ZBTB7C: variants seen among roughly 807,000 people sequenced by gnomAD.
The protein encoded by ZBTB7C is zinc finger and BTB domain containing 7C, also known as zinc finger and BTB domain-containing protein 7C.
In ZBTB7C, 8 loss-of-function variants were observed where a neutral mutation model predicts 25.7. That is an observed-to-expected ratio of 0.31 (90% confidence interval 0.18 to 0.56). The LOEUF (loss-of-function observed/expected upper bound fraction) is 0.56, where lower values mean the gene tolerates loss of function less well. Among genes scored for constraint, ZBTB7C ranks in the 20% least tolerant of loss-of-function variants. ZBTB7C has a pLI of 0.91. For synonymous variants in ZBTB7C, 394 were observed against 369.0 expected (o/e 1.07, Z -0.78); for missense variants, 824 against 855.2 (o/e 0.96, Z 0.46).
chr18:48,347,038 C>T (rs1371178287), intron 1 of ZBTB7C, among the ~76,000 whole-genome samples: 2 of 151,994 alleles, frequency 1.3e-5, no homozygotes, highest in Non-Finnish European at 2.9e-5. Flanking sequence ...AAGCCTCAGC[C>T]TCCCAAAGTG....
chr18:48,081,461 CTTTTTT>C (rs916264096), intron 3 of ZBTB7C, among the ~76,000 whole-genome samples: 2 of 98,240 alleles, frequency 2.0e-5, no homozygotes, highest in African/African-American at 6.4e-5. Flanking sequence ...TTTTCTTTTT[CTTTTTT>C]TTTTTGGTTG....
At chr18:48,161,019 G>A (rs1477964181) in intron 3 of ZBTB7C, among the ~76,000 whole-genome samples, 1 of 150,676 alleles carries the variant, frequency 6.6e-6, no homozygotes, top group African/African-American at 2.5e-5. Context: ...AACGCACACA[G>A]CCATGAGAAG....
At chr18:48,080,773 A>G (rs1217269039) in intron 3 of ZBTB7C, among the ~76,000 whole-genome samples, 1 of 152,124 alleles carries the variant, frequency 6.6e-6, no homozygotes, top group Non-Finnish European at 1.5e-5. Context: ...AGAGCCCACA[A>G]GGCCAGGCAA....
chr18:48,168,641 G>A (rs994428374), intron 3 of ZBTB7C, among the ~76,000 whole-genome samples: 1 of 152,162 alleles, frequency 6.6e-6, no homozygotes, highest in Non-Finnish European at 1.5e-5. Flanking sequence ...ATAGGGGAAG[G>A]CAGATCTTGT....
chr18:48,241,411 C>T (rs541087459), intron 2 of ZBTB7C, among the ~76,000 whole-genome samples: 2 of 152,132 alleles, frequency 1.3e-5, no homozygotes, highest in African/African-American at 4.8e-5. Flanking sequence ...GCATTGTATT[C>T]ATCAGCACAT....
chr18:48,071,236 C>T (rs141008711), intron 3 of ZBTB7C, among the ~76,000 whole-genome samples: 23 of 152,280 alleles, frequency 1.5e-4, no homozygotes, highest in East Asian at 7.7e-4. Context: ...TCTTTAGGAA[C>T]ATAATGATGA....
At chr18:48,119,006 T>TA (rs200679579) in intron 3 of ZBTB7C, among the ~76,000 whole-genome samples, 4 of 152,138 alleles carry the variant, frequency 2.6e-5, no homozygotes, top group African/African-American at 4.8e-5. Flanking sequence ...ATTTTATAAC[T>TA]AAAAAAAATT....
At chr18:48,172,618 C>G (rs1159062351) in intron 3 of ZBTB7C, among the ~76,000 whole-genome samples, 1 of 152,252 alleles carries the variant, frequency 6.6e-6, no homozygotes, top group Non-Finnish European at 1.5e-5. Flanking sequence ...ACTGACGTGA[C>G]CCACGGGGCC....
In ZBTB7C at chr18:48,029,461, C is replaced by A. The variant is rs1012910073; in HGVS notation, c.1659G>T (p.Glu553Asp). The A allele has an allele frequency of 6.3e-7, 1 of 1,597,418 alleles. No homozygotes were observed. The highest frequency in any genetic ancestry group is 1.7e-5 in the Admixed American group (1 of 59,200). ...SLQELERQFE[E>D]TQMKLFGRAQ... ...CGCGCCCGAACAGCTTCATCTGTGT[C>A]TCCTCGAACTGCCGCTCCAGCTCTT... Residue 553 changes from glutamate to aspartate, a missense_variant, in exon 5 of 5, where the codon GAG (glutamate) becomes GAT (aspartate). Glu to Asp is a conservative substitution (Grantham distance 45). Coordinates refer to ENST00000590800, the MANE Select transcript of ZBTB7C (RefSeq NM_001318841.2).
At chr18:48,043,258 A>ATCT (rs1568171805) in intron 3 of ZBTB7C, among the ~76,000 whole-genome samples, 1 of 152,204 alleles carries the variant, frequency 6.6e-6, no homozygotes, top group Non-Finnish European at 1.5e-5. Context: ...GAGAAATGAA[A>ATCT]TCTTATGTCC....
At chr18:48,363,731 T>C (rs149643442) in intron 1 of ZBTB7C, among the ~76,000 whole-genome samples, 1 of 152,118 alleles carries the variant, frequency 6.6e-6, no homozygotes, top group Non-Finnish European at 1.5e-5. Flanking sequence ...GTATTCTTTT[T>C]AATATTAAAA....
chr18:48,140,912 C>T (rs1000635949), intron 3 of ZBTB7C, among the ~76,000 whole-genome samples: 7 of 152,170 alleles, frequency 4.6e-5, no homozygotes, highest in Admixed American at 3.3e-4. Context: ...TCTATCCCCT[C>T]TCACCTTGAC....
rs150622720 is a variant in ZBTB7C at position 48,050,469 on chromosome 18, C to T, written c.-16-9346G>A. Among the ~76,000 whole-genome samples the T allele has an allele frequency of 1.4e-4, 22 of 152,356 alleles. No individual in the cohort carries two copies. The South Asian group carries it at 1.9e-3, about 13-fold the overall frequency. On this transcript the variant is annotated intron_variant, in intron 3 of 4. Transcript: ENST00000590800. The stretch of plus-strand genomic sequence containing the variant: ...CCTGCTCTGCCACCCTGCCAGGACA[C>T]GCCTAGAGCCCGCAGTCCCCAGCTG...
At chr18:48,089,222 A>G (rs1475027956) in intron 3 of ZBTB7C, among the ~76,000 whole-genome samples, 1 of 152,068 alleles carries the variant, frequency 6.6e-6, no homozygotes, top group Non-Finnish European at 1.5e-5. Context: ...TAATCCTAGC[A>G]CTTTGGGAGG....
intron 2 of ZBTB7C, among the ~76,000 whole-genome samples, chr18:48,306,565 C>G (rs956772959): frequency 6.6e-6 from 1 of 152,164 alleles, no homozygotes; most frequent in Non-Finnish European, 1.5e-5. Flanking sequence ...GTCCAGTATT[C>G]AGGTACCTGG....
At chr18:48,306,661 A>T (rs9951720) in intron 2 of ZBTB7C, among the ~76,000 whole-genome samples, 26,795 of 152,010 alleles carry the variant, frequency 0.18, 2,421 homozygotes, top group African/African-American at 0.2. Context: ...TCACAACACA[A>T]ATCTCTGTCC....
chr18:48,229,031 C>G (rs886137968), intron 2 of ZBTB7C, among the ~76,000 whole-genome samples: 3 of 152,126 alleles, frequency 2.0e-5, no homozygotes, highest in African/African-American at 7.2e-5. Flanking sequence ...TGAAGACAGC[C>G]GGGGTCATGG....
intron 1 of ZBTB7C, among the ~76,000 whole-genome samples, chr18:48,367,085 T>A (rs1271559961): frequency 6.7e-6 from 1 of 148,948 alleles, no homozygotes; most frequent in Non-Finnish European, 1.5e-5. Context: ...TCAGCAATTT[T>A]AAAAAATAAT....
chr18:48,347,538 C>A lies in ZBTB7C; in HGVS notation c.-303-9140G>T, dbSNP rs894139626. Reference sequence around the variant, plus strand: ...CCCACTCCCTCCTCTCCCCGTCAAGCAGCATGAATCCTCACCCTGCTGCCT... The same window carrying A: ...CCCACTCCCTCCTCTCCCCGTCAAGAAGCATGAATCCTCACCCTGCTGCCT... On this transcript the variant is annotated intron_variant, in intron 1 of 4. Transcript: ENST00000590800. 2.2e-4 allele frequency among the ~76,000 whole-genome samples: 34 copies of A among 152,116 alleles called. 1 individual carries two copies. Among genetic ancestry groups the A allele is most frequent in the Admixed American group, 2.1e-3 (32 of 15,300 alleles).
Sources: gnomAD v4.1 joint callset for allele counts (sites outside exome capture counted in the v4.1 genomes callset) on GRCh38, gnomAD v4.1.1 for gene constraint, MANE v1.5 for transcripts, NCBI Gene and HGNC (gene_info 2026-07-23, HGNC 2026-07-21) for gene names.